The following MYOM1 variants were observed in gnomAD, a reference collection of about 807,000 sequenced individuals.
MYOM1 encodes myomesin 1, also known as myomesin-1.
A neutral mutation model predicts 205.3 loss-of-function variants in MYOM1; 164 were observed. That is an observed-to-expected ratio of 0.80 (90% CI 0.70 to 0.91). The LOEUF is 0.91. Ranked by LOEUF, MYOM1 falls within the 40% of genes least tolerant of loss-of-function variation. The probability of loss-of-function intolerance (pLI) is 0.00; values close to 1 mark genes in which losing one functional copy is unlikely to be tolerated. For synonymous variants in MYOM1, 772 were observed against 789.4 expected (o/e 0.98, Z 0.37); for missense variants, 2,011 against 2,127.3 (o/e 0.95, Z 1.08).
chr18:3,120,113 A>G, intron 19 of MYOM1, 118 bp from the exon 20 acceptor site: 1 of 1,323,882 alleles, frequency 7.6e-7, no homozygotes, highest in Non-Finnish European at 1.0e-6. Context: ...GTGACCCTCA[A>G]TGAGTCACAC....
In MYOM1 at chr18:3,125,649, A is replaced by T. The variant is rs563467932; in HGVS notation, c.2991+1052T>A. ...ATTTCAAATGTTAAATTAAAAGAGCATGGTGTTGAGTTGGGGCAGCTGTCA... is the reference window on the plus strand; with the variant it reads ...ATTTCAAATGTTAAATTAAAAGAGCTTGGTGTTGAGTTGGGGCAGCTGTCA... On this transcript the variant is annotated intron_variant, in intron 19 of 37. Transcript: ENST00000356443. Among the ~76,000 whole-genome samples, 3 of 152,172 alleles carry T rather than the reference A, an allele frequency of 2.0e-5. No individual in the cohort carries two copies. In the South Asian group the frequency reaches 6.2e-4, roughly 32 times the overall value.
At position 3,191,707 on chromosome 18, in the gene MYOM1, TC is replaced by T. The variant is rs369869687; in HGVS notation, c.431+2110del. ...TTTTTCTTCACATCTTTTTTTTTTT[TC>T]TTTTTGAGATGGGGTCTCACTCTGT... On this transcript the variant is annotated intron_variant, in intron 3 of 37. Coordinates refer to ENST00000356443, the MANE Select transcript of MYOM1 (RefSeq NM_003803.4). Among the ~76,000 whole-genome samples, 123 of 151,004 alleles carry T rather than the reference TC, an allele frequency of 8.1e-4. 2 individuals are homozygous for T. Among genetic ancestry groups the T allele is most frequent in the Middle Eastern group, 3.4e-3 (1 of 292 alleles).
At chr18:3,233,052 G>A in the MYOM1 span, among the ~76,000 whole-genome samples, 1 of 152,218 alleles carries the variant, frequency 6.6e-6, no homozygotes, top group Admixed American at 6.5e-5. Flanking sequence ...ATTACTGTAA[G>A]AACTAGTATA....
At chr18:3,239,902 G>C in the MYOM1 span, among the ~76,000 whole-genome samples, 1 of 151,840 alleles carries the variant, frequency 6.6e-6, no homozygotes, top group Non-Finnish European at 1.5e-5. Flanking sequence ...CTACACTCAA[G>C]TGGACAAAGA....
At chr18:3,145,058 C>T (rs140980437) in intron 13 of MYOM1, among the ~76,000 whole-genome samples, 8,753 of 152,208 alleles carry the variant, frequency 0.058, 333 homozygotes, top group Non-Finnish European at 0.082. Context: ...CCTGTAATCC[C>T]AGCACTTTGG....
intron 3 of MYOM1, among the ~76,000 whole-genome samples, chr18:3,190,006 C>G (rs28539461): frequency 0.091 from 13,794 of 152,118 alleles, 900 homozygotes; most frequent in African/African-American, 0.19. Context: ...TGTGCATATA[C>G]TATGTGTGTA....
In MYOM1 at chr18:3,100,324, C is replaced by T. The variant is rs2079359812; in HGVS notation, c.3678G>A (p.Glu1226=). ...ATGCACTGATTTTAAACTTACCTTCCTCATCTATTAAGTAGCTTGATGCTA... is the reference window on the plus strand; with the variant it reads ...ATGCACTGATTTTAAACTTACCTTCTTCATCTATTAAGTAGCTTGATGCTA... ...DGIASSYLID[E]EELKRLLALS... is the part of the protein sequence containing the mutation. Residue 1226 remains glutamate, a synonymous_variant, in exon 24 of 38, where the codon GAG becomes GAA. Transcript: ENST00000356443. 2 of 1,613,622 alleles carry T rather than the reference C, an allele frequency of 1.2e-6. No homozygotes were observed. Among genetic ancestry groups the T allele is most frequent in the Non-Finnish European group, 1.7e-6 (2 of 1,179,586 alleles).
Position 3,193,825 on chromosome 18 carries a change from A to C in MYOM1, c.424T>G (p.Ser142Ala). ...LPSDYMVPIF[S>A]GRQKHVSGIT... ...AAGAAAAAGCACACTCACCGTCCTG[A>C]GAAAATGGGTACCATGTAGTCACTG... The change falls in exon 3 of 38, where the codon TCA (serine) becomes GCA (alanine). Residue 142 changes from serine (S) to alanine (A), a missense_variant. Ser to Ala is a moderately conservative substitution (Grantham distance 99, BLOSUM62 1). Coordinates refer to ENST00000356443, the MANE Select transcript of MYOM1 (RefSeq NM_003803.4). 2 of 1,612,622 alleles carry C rather than the reference A, an allele frequency of 1.2e-6. No homozygotes were observed. Among genetic ancestry groups the C allele is most frequent in the Non-Finnish European group, 1.7e-6 (2 of 1,179,386 alleles).
chr18:3,134,657 C>T lies in MYOM1; in HGVS notation c.2377G>A (p.Gly793Ser). Residue 793 changes from glycine to serine, a missense_variant, in exon 16 of 38, where the codon GGC (glycine) becomes AGC (serine). Transcript: ENST00000356443. ...CACACCCGACTGAGTTACCGTGAGC[C>T]CTTCACGGGGTTGTTGTTACAGGGC... The part of the protein sequence containing the change: ...WEPCNNNPVK[G>S]SRFTCHGLVT... The T allele has an allele frequency of 1.2e-6, 2 of 1,611,494 alleles. No individual in the cohort carries two copies. Among genetic ancestry groups the T allele is most frequent in the Non-Finnish European group, 1.7e-6 (2 of 1,177,934 alleles).
rs771732957 is a variant in MYOM1, at chr18:3,070,773, T to TGTGC, written c.4764+1060_4764+1061insGCAC. Reference sequence around the variant, plus strand: ...GTGTGTGTGTGTGTGTGTGTGTGTGTGCACGTGTGTGTGTTTGTATGACAG... The same window carrying TGTGC: ...GTGTGTGTGTGTGTGTGTGTGTGTGTGTGCGCACGTGTGTGTGTTTGTATGACAG... On this transcript the variant is annotated intron_variant, in intron 37 of 37. Transcript: ENST00000356443. Among the ~76,000 whole-genome samples the TGTGC allele has an allele frequency of 1.1e-3, 162 of 147,496 alleles. 1 individual carries two copies. The Middle Eastern group carries it at 0.014, about 13-fold the overall frequency.
intron 22 of MYOM1, among the ~76,000 whole-genome samples, chr18:3,104,369 C>T (rs1277544382): frequency 6.6e-6 from 1 of 152,144 alleles, no homozygotes; most frequent in East Asian, 1.9e-4. Context: ...GGAAGCATGA[C>T]AGATTGCTTA....
In MYOM1 at chr18:3,090,804, T is replaced by C. The variant is rs112090273; in HGVS notation, c.3865-2A>G. On this transcript the variant is annotated splice_acceptor_variant, in intron 26 of 37. Transcript: ENST00000356443. LOFTEE classifies it high-confidence loss of function. ...TCGGTCAATATGCATTTTATATTTC[T>C]TCAGTGTGAAAAGAAAATGACAGAG... is the stretch of plus-strand genomic sequence containing the variant. 4.3e-6 allele frequency: 7 copies of C among 1,613,884 alleles called. No individual in the cohort carries two copies. The highest frequency in any genetic ancestry group is 5.9e-6 in the Non-Finnish European group (7 of 1,179,826).
At chr18:3,118,490 G>A (rs1317080762) in intron 20 of MYOM1, among the ~76,000 whole-genome samples, 2 of 149,746 alleles carry the variant, frequency 1.3e-5, no homozygotes, top group East Asian at 3.9e-4. Flanking sequence ...GCACCATCAT[G>A]CCCAGCTAAT....
chr18:3,163,513 C>A (rs1191579994), intron 10 of MYOM1, among the ~76,000 whole-genome samples: 2 of 150,876 alleles, frequency 1.3e-5, no homozygotes, highest in Non-Finnish European at 3.0e-5. Context: ...AGTGCAGTGG[C>A]ATAATCTCAG....
chr18:3,122,118 C>CA (rs1320512601), intron 19 of MYOM1, among the ~76,000 whole-genome samples: 1 of 145,354 alleles, frequency 6.9e-6, no homozygotes, highest in East Asian at 2.0e-4. Flanking sequence ...GACTTTGTCT[C>CA]AAAAAAAGAG....
Position 3,188,836 on chromosome 18 carries a change from G to C in MYOM1, c.683C>G (p.Ser228Cys). The C allele has an allele frequency of 6.2e-7, 1 of 1,613,528 alleles. No individual in the cohort carries two copies. The highest frequency in any genetic ancestry group is 8.5e-7 in the Non-Finnish European group (1 of 1,179,788). The change falls in exon 4 of 38, where the codon TCC becomes TGC. Residue 228 changes from serine (S) to cysteine (C), a missense_variant. Physicochemically the swap from Ser to Cys is moderately radical, Grantham distance 112 (BLOSUM62 -1). Transcript: ENST00000356443. ...AGAAGTTTCTTCCTGTTGAAGAGCG[G>C]ATGTGGCCTGTTTGGAAACCACAGA... ...RQSVVSKQAT[S>C]ALQQEETSEK... is the part of the protein sequence containing the mutation.
At chr18:3,094,485 G>C (rs2079273075) in intron 25 of MYOM1, among the ~76,000 whole-genome samples, 179 bp from the exon 26 acceptor site, 1 of 152,024 alleles carries the variant, frequency 6.6e-6, no homozygotes, top group Admixed American at 6.6e-5. Context: ...TAAAGACAGA[G>C]GGACTCAGCT....
chr18:3,188,150 T>G (rs1380660710), intron 4 of MYOM1, among the ~76,000 whole-genome samples: 1 of 152,180 alleles, frequency 6.6e-6, no homozygotes, highest in East Asian at 1.9e-4. Flanking sequence ...CATATTTTAC[T>G]TCTCCAAGGT....
At chr18:3,240,228 A>G in the MYOM1 span, among the ~76,000 whole-genome samples, 2 of 152,334 alleles carry the variant, frequency 1.3e-5, no homozygotes, top group East Asian at 3.9e-4. Context: ...AACAGCTTAG[A>G]TATCAGGAAT....
Sources: gnomAD v4.1 joint callset for allele counts (sites outside exome capture counted in the v4.1 genomes callset) on GRCh38, gnomAD v4.1.1 for gene constraint, MANE v1.5 for transcripts, NCBI Gene and HGNC (gene_info 2026-07-23, HGNC 2026-07-21) for gene names.